Variants in BCAM observed in about 807,000 individuals in gnomAD.
The protein encoded by BCAM is basal cell adhesion molecule.
Under a neutral mutation model 72.4 loss-of-function variants are expected in BCAM, and 61 were observed. That is an observed-to-expected ratio of 0.84 (90% CI 0.69 to 1.04). The LOEUF is 1.04. Ranked by LOEUF, BCAM falls within the 50% of genes least tolerant of loss-of-function variation. BCAM has a pLI of 0.00. For synonymous variants in BCAM, 408 were observed against 384.2 expected (o/e 1.06, Z -0.73); for missense variants, 909 against 895.0 (o/e 1.02, Z -0.20).
At position 44,813,348 on chromosome 19, in the gene BCAM, T is replaced by TGAGCAGC; in HGVS notation, c.601+4_601+10dup. 6.2e-7 allele frequency: 1 copy of TGAGCAGC among 1,613,630 alleles called. No homozygotes were observed. The highest frequency in any genetic ancestry group is 8.5e-7 in the Non-Finnish European group (1 of 1,179,862). On this transcript the variant is annotated splice_region_variant and intron_variant, in intron 5 of 14. Transcript: ENST00000270233. This position sits in a 1 kb window ranked among gnomAD's most constrained non-coding sequence, Gnocchi z 4.2. The stretch of plus-strand genomic sequence containing the variant: ...AGGTGCCCGTAGAGATGAACCCAGG[T>TGAGCAGC]GAGCAGCGCAGGAGCGCGGCGGGAC...
rs369701673 is a variant in BCAM, at chr19:44,819,864, T to A, written c.1763+138T>A. The A allele has an allele frequency of 2.1e-5, 30 of 1,406,436 alleles. No homozygotes were observed. The African/African-American group carries it at 3.9e-4, about 18-fold the overall frequency. 87.1% of individuals were successfully genotyped at this position (1,406,436 alleles called of 1,614,324 possible). Reference sequence around the variant, plus strand: ...CACATCCACCTCCATCCCCAACCCATCCTCATCCCCAACTACAGCCCCAAA... The same window carrying A: ...CACATCCACCTCCATCCCCAACCCAACCTCATCCCCAACTACAGCCCCAAA... On this transcript the variant is annotated intron_variant, in intron 13 of 14. Coordinates refer to ENST00000270233, the MANE Select transcript of BCAM (RefSeq NM_005581.5).
In BCAM at chr19:44,814,908, G is replaced by GGT; in HGVS notation, c.1078+148_1078+149insGT. 1.9e-6 allele frequency: 1 copy of GGT among 518,392 alleles called. No homozygotes were observed. Among genetic ancestry groups the GGT allele is most frequent in the Non-Finnish European group, 2.8e-6 (1 of 357,450 alleles). 32.1% of individuals were successfully genotyped at this position (518,392 alleles called of 1,614,324 possible). ...GCATTTCTTGGGGGTTTTTTTGGTTGTTTTTTTTTTTTTTTTTTTCCCAGA... is the reference window on the plus strand; with the variant it reads ...GCATTTCTTGGGGGTTTTTTTGGTTGGTTTTTTTTTTTTTTTTTTTTCCCAGA... On this transcript the variant is annotated intron_variant, in intron 8 of 14. Coordinates refer to ENST00000270233, the MANE Select transcript of BCAM (RefSeq NM_005581.5). This position sits in a 1 kb window ranked among gnomAD's most constrained non-coding sequence, Gnocchi z 4.6.
Position 44,813,705 on chromosome 19 carries a change from C to T in BCAM, c.784+85C>T. ...CCTCCACCCGGGGGCTTCACACTCCCCTCTGACCCTCTGCCTCCCTACTTC... is the reference window on the plus strand; with the variant it reads ...CCTCCACCCGGGGGCTTCACACTCCTCTCTGACCCTCTGCCTCCCTACTTC... On this transcript the variant is annotated intron_variant, in intron 6 of 14. Coordinates refer to ENST00000270233, the MANE Select transcript of BCAM (RefSeq NM_005581.5). The surrounding 1 kb of genome is among the most constrained non-coding windows in gnomAD (Gnocchi z 4.2). 3.4e-6 allele frequency: 5 copies of T among 1,490,808 alleles called. No individual in the cohort carries two copies. Among genetic ancestry groups the T allele is most frequent in the Non-Finnish European group, 4.5e-6 (5 of 1,108,622 alleles). The allele number at this position is 1,490,808 out of a possible 1,614,324, so 92.3% of individuals were successfully genotyped here.
Position 44,812,111 on chromosome 19 carries a change from G to A in BCAM, c.205-52G>A. On this transcript the variant is annotated intron_variant, in intron 2 of 14. Coordinates refer to ENST00000270233, the MANE Select transcript of BCAM (RefSeq NM_005581.5). This position sits in a 1 kb window ranked among gnomAD's most constrained non-coding sequence, Gnocchi z 5.3. ...GAGAGAAAGGACCCAGAGAGAGAGA[G>A]ACTGAGGAGCGCTGGGACACCCGGA... 2 of 1,510,210 alleles carry A rather than the reference G, an allele frequency of 1.3e-6. No homozygotes were observed. The highest frequency in any genetic ancestry group is 2.8e-5 in the African/African-American group (2 of 72,252). 93.6% of individuals were successfully genotyped at this position (1,510,210 alleles called of 1,614,324 possible).
chr19:44,819,164 A>G lies in BCAM; in HGVS notation c.1445A>G (p.Lys482Arg), dbSNP rs1388584125. 1 of 1,613,914 alleles carries G rather than the reference A, an allele frequency of 6.2e-7. No individual in the cohort carries two copies. Among genetic ancestry groups the G allele is most frequent in the Admixed American group, 1.7e-5 (1 of 59,996 alleles). The change falls in exon 11 of 15, where the codon AAA (lysine) becomes AGA (arginine). Residue 482 changes from lysine (K) to arginine (R), a missense_variant. Physicochemically the swap from Lys to Arg is conservative, Grantham distance 26 (BLOSUM62 2). Transcript: ENST00000270233. ...TCTGCCCGCGGCCATCCAGACCCCA[A>G]ACTCAGCTGGAGCCAATTGGGGGGC... ...ICSARGHPDPKLSWSQLGGSP... is the reference protein window; with the variant it reads ...ICSARGHPDPRLSWSQLGGSP...
At position 44,820,999 on chromosome 19, in the gene BCAM, GC is replaced by G. The variant is rs1356561537; in HGVS notation, c.*83del. ...AACCAGCCCTGCTCACGCCATGCCC[GC>G]CCCCGCCTTCCCTCTTCCCTCTTCC... On this transcript the variant is annotated 3_prime_UTR_variant, in exon 15 of 15. Transcript: ENST00000270233. 1.4e-6 allele frequency: 2 copies of G among 1,431,910 alleles called. No homozygotes were observed. Among genetic ancestry groups the G allele is most frequent in the Non-Finnish European group, 1.8e-6 (2 of 1,085,552 alleles). The allele number at this position is 1,431,910 out of a possible 1,614,324, so 88.7% of individuals were successfully genotyped here. A position where few individuals can be genotyped will look rare whatever the true frequency, so the allele number is the denominator to read the frequency against.
At chr19:44,820,862 T>A in intron 14 of BCAM, 40 bp downstream of exon 14, 1 of 1,541,542 alleles carries the variant, frequency 6.5e-7, no homozygotes, top group Non-Finnish European at 8.7e-7. Context: ...AGGGACCTGC[T>A]GGGCAGTGGA....
intron 2 of BCAM, chr19:44,811,760 C>G: frequency 3.1e-6 from 1 of 319,134 alleles, no homozygotes; most frequent in South Asian, 3.5e-5. Flanking sequence ...TGGCATGTGC[C>G]TGTAATCCCA....
rs116651513 is a variant in BCAM at position 44,818,163 on chromosome 19, G to A, written c.1079-359G>A. 1.2e-3 allele frequency among the ~76,000 whole-genome samples: 183 copies of A among 152,264 alleles called. 1 individual carries two copies. The highest frequency in any genetic ancestry group is 4.2e-3 in the African/African-American group (174 of 41,538). The stretch of plus-strand genomic sequence containing the variant: ...CAAAACTTTGCAGAAAAGATGTTTG[G>A]GGGTAACAGGGAGGTTACCCCACAG... On this transcript the variant is annotated intron_variant, in intron 8 of 14. Coordinates refer to ENST00000270233, the MANE Select transcript of BCAM (RefSeq NM_005581.5). The surrounding 1 kb of genome is among the most constrained non-coding windows in gnomAD (Gnocchi z 4.6).
chr19:44,811,049 A>G (rs1389359691), intron 1 of BCAM, among the ~76,000 whole-genome samples, 176 bp from the exon 2 acceptor site: 5 of 57,370 alleles, frequency 8.7e-5, no homozygotes, highest in South Asian at 5.4e-4. Flanking sequence ...CTGAGGGAGG[A>G]GGGGACAGGG....
Position 44,812,936 on chromosome 19 carries a change from C to G in BCAM, c.505-314C>G, listed in dbSNP as rs1599884515. 2.9e-6 allele frequency: 1 copy of G among 350,196 alleles called. No homozygotes were observed. The highest frequency in any genetic ancestry group is 2.6e-5 in the African/African-American group (1 of 37,858). The allele number at this position is 350,196 out of a possible 1,614,324, so 21.7% of individuals were successfully genotyped here. The stretch of plus-strand genomic sequence containing the variant: ...CTGCACTCCAGCCTGGGCCACAGAG[C>G]AATACTCCGTCTCAAAAAAAAAAAA... On this transcript the variant is annotated intron_variant, in intron 4 of 14. Transcript: ENST00000270233. The surrounding 1 kb of genome is among the most constrained non-coding windows in gnomAD (Gnocchi z 5.3).
At position 44,814,715 on chromosome 19, in the gene BCAM, G is replaced by A; in HGVS notation, c.1033G>A (p.Ala345Thr). 6.2e-7 allele frequency: 1 copy of A among 1,613,836 alleles called. No homozygotes were observed. The highest frequency in any genetic ancestry group is 8.5e-7 in the Non-Finnish European group (1 of 1,179,996). Residue 345 changes from alanine to threonine, a missense_variant, in exon 8 of 15, where the codon GCA becomes ACA. Ala to Thr is a moderately conservative substitution (Grantham distance 58). Transcript: ENST00000270233. This position sits in a 1 kb window ranked among gnomAD's most constrained non-coding sequence, Gnocchi z 4.6. ...CTGCAGAGTGGAGGATTACGACGCG[G>A]CAGATGACGTGCAGCTCTCCAAGAC... ...YGCRVEDYDAADDVQLSKTLE... is the reference protein window; with the variant it reads ...YGCRVEDYDATDDVQLSKTLE...
chr19:44,820,212 ACCCTTAACT>A (rs1163111158), intron 13 of BCAM: 1 of 969,702 alleles, frequency 1.0e-6, no homozygotes, highest in Admixed American at 7.5e-5. Context: ...CCCTGAGCTC[ACCCTTAACT>A]CCAATTTATC....
Position 44,819,704 on chromosome 19 carries a change from C to G in BCAM, c.1741C>G (p.Gln581Glu), listed in dbSNP as rs1464596999. 6.2e-7 allele frequency: 1 copy of G among 1,608,578 alleles called. No individual in the cohort carries two copies. Among genetic ancestry groups the G allele is most frequent in the Non-Finnish European group, 8.5e-7 (1 of 1,177,556 alleles). The stretch of plus-strand genomic sequence containing the variant: ...ACGCAAAGGGGGCCCCTGCTGCCGC[C>G]AGCGGCGGGAGAAGGGGGCTCCGTG... ...VRRKGGPCCR[Q>E]RREKGAPPPG... The change falls in exon 13 of 15, where the codon CAG becomes GAG. Residue 581 changes from glutamine to glutamate, a missense_variant. Physicochemically the swap from Gln to Glu is conservative, Grantham distance 29. Coordinates refer to ENST00000270233, the MANE Select transcript of BCAM (RefSeq NM_005581.5).
At position 44,818,931 on chromosome 19, in the gene BCAM, G is replaced by C. The variant is rs376119375; in HGVS notation, c.1336+49G>C. The C allele has an allele frequency of 6.2e-7, 1 of 1,603,768 alleles. No homozygotes were observed. Among genetic ancestry groups the C allele is most frequent in the African/African-American group, 1.3e-5 (1 of 74,800 alleles). On this transcript the variant is annotated intron_variant, in intron 10 of 14. Coordinates refer to ENST00000270233, the MANE Select transcript of BCAM (RefSeq NM_005581.5). This position sits in a 1 kb window ranked among gnomAD's most constrained non-coding sequence, Gnocchi z 4.6. ...GGCTTGGATGGGGACAGTGTGGGGT[G>C]TGGGACCTGGACAAACAGGACGAGT...
intron 2 of BCAM, 94 bp downstream of exon 2, chr19:44,811,440 C>T: frequency 6.4e-7 from 1 of 1,568,748 alleles, no homozygotes; most frequent in African/African-American, 1.3e-5. Flanking sequence ...TAGAGATCCA[C>T]CAAGCCACAC....
chr19:44,821,093 T>G lies in BCAM; in HGVS notation c.*172T>G, dbSNP rs1599891413. The G allele has an allele frequency of 2.2e-6, 1 of 455,738 alleles. No individual in the cohort carries two copies. The highest frequency in any genetic ancestry group is 4.9e-5 in the South Asian group (1 of 20,248). 28.2% of individuals were successfully genotyped at this position (455,738 alleles called of 1,614,324 possible). Reference sequence around the variant, plus strand: ...CAGGGACCCACAGTGGCTGCCTGCCTCCGGGAGGGAAGGAGAGGGAGGGTG... The same window carrying G: ...CAGGGACCCACAGTGGCTGCCTGCCGCCGGGAGGGAAGGAGAGGGAGGGTG... On this transcript the variant is annotated 3_prime_UTR_variant, in exon 15 of 15. Transcript: ENST00000270233.
chr19:44,809,161 G>A lies in BCAM; in HGVS notation c.37G>A (p.Ala13Thr). 1.4e-6 allele frequency: 2 copies of A among 1,474,146 alleles called. No homozygotes were observed. The highest frequency in any genetic ancestry group is 1.3e-5 in the South Asian group (1 of 77,756). The allele number at this position is 1,474,146 out of a possible 1,614,324, so 91.3% of individuals were successfully genotyped here. ...PPDAPAQARG[A>T]PRLLLLAVLL... Reference sequence around the variant, plus strand: ...GGACGCACCGGCCCAGGCGCGCGGGGCCCCGCGGCTGCTGTTGCTCGCAGT... The same window carrying A: ...GGACGCACCGGCCCAGGCGCGCGGGACCCCGCGGCTGCTGTTGCTCGCAGT... The change falls in exon 1 of 15, where the codon GCC becomes ACC. Residue 13 changes from alanine to threonine, a missense_variant. Transcript: ENST00000270233.
rs1400438679 is a variant in BCAM, at chr19:44,818,557, C to T, written c.1114C>T (p.Leu372Phe). 7 of 1,613,930 alleles carry T rather than the reference C, an allele frequency of 4.3e-6. No homozygotes were observed. The highest frequency in any genetic ancestry group is 5.9e-6 in the Non-Finnish European group (7 of 1,179,972). Reference sequence around the variant, plus strand: ...CCTGGAGCTCAGCGAGGGGAAGGTGCTTTCCTTACCTCTAAACAGCAGTGC... The same window carrying T: ...CCTGGAGCTCAGCGAGGGGAAGGTGTTTTCCTTACCTCTAAACAGCAGTGC... ...DPLELSEGKVLSLPLNSSAVV... is the reference protein window; with the variant it reads ...DPLELSEGKVFSLPLNSSAVV... Residue 372 changes from leucine (L) to phenylalanine (F), a missense_variant, in exon 9 of 15, where the codon CTT becomes TTT. Leu to Phe is a conservative substitution (Grantham distance 22, BLOSUM62 0). Transcript: ENST00000270233. This position sits in a 1 kb window ranked among gnomAD's most constrained non-coding sequence, Gnocchi z 4.6.
Sources: gnomAD v4.1 joint callset for allele counts (sites outside exome capture counted in the v4.1 genomes callset) on GRCh38, gnomAD v4.1.1 for gene constraint, Gnocchi (gnomAD v3.1) non-coding constraint, MANE v1.5 for transcripts, NCBI Gene and HGNC (gene_info 2026-07-23, HGNC 2026-07-21) for gene names.